POLN: variants seen among roughly 807,000 people sequenced by gnomAD.
POLN encodes DNA polymerase N.
In POLN, 108 loss-of-function variants were observed where a neutral mutation model predicts 113.5. The observed-to-expected ratio is 0.95, with a 90% CI of 0.81 to 1.12. The LOEUF is 1.12. POLN is among the 50% of genes most tolerant of loss of function. The pLI is 0.00. For synonymous variants in POLN, 386 were observed against 391.5 expected, an observed-to-expected ratio of 0.99 and a Z score of 0.17; for missense variants, 1,097 against 1,077.1, an observed-to-expected ratio of 1.02 and a Z score of -0.26.
At chr4:2,083,171 C>CACTCCTTGAAGATTT (rs1334251002) in intron 21 of POLN, among the ~76,000 whole-genome samples, 1 of 152,206 alleles carries the variant, frequency 6.6e-6, no homozygotes, top group East Asian at 1.9e-4. Flanking sequence ...CAAAAACAGA[C>CACTCCTTGAAGATTT]ACAAGGGGGA....
At chr4:2,239,855 C>T (rs889523759) in intron 2 of POLN, among the ~76,000 whole-genome samples, 6 of 152,170 alleles carry the variant, frequency 3.9e-5, no homozygotes, top group Admixed American at 3.9e-4. Flanking sequence ...TTGCTGCCCT[C>T]CATTAACGTA....
intron 13 of POLN, among the ~76,000 whole-genome samples, chr4:2,167,223 A>G (rs1001097380): frequency 2.0e-5 from 3 of 152,216 alleles, no homozygotes; most frequent in African/African-American, 4.8e-5. Flanking sequence ...AAGGGGTCGC[A>G]GAAGCAACTC....
Position 2,095,939 on chromosome 4 carries a change from T to A in POLN, c.1983-6A>T, listed in dbSNP as rs374386185. On this transcript the variant is annotated splice_polypyrimidine_tract_variant and splice_region_variant and intron_variant, in intron 19 of 25. Coordinates refer to ENST00000511885, the MANE Select transcript of POLN (RefSeq NM_181808.4). ...GTTCCACGGGCACATCCTTCCTGCA[T>A]GGAGAGACCATGTGTGAAGTTCAGG... 6.2e-7 allele frequency: 1 copy of A among 1,613,958 alleles called. No homozygotes were observed. The highest frequency in any genetic ancestry group is 1.1e-5 in the South Asian group (1 of 91,074).
chr4:2,074,515 C>T (rs187559389), intron 24 of POLN, among the ~76,000 whole-genome samples: 10 of 152,266 alleles, frequency 6.6e-5, no homozygotes, highest in Non-Finnish European at 1.3e-4. Context: ...TAAATGGTCA[C>T]GTAAGGTGGG....
intron 20 of POLN, among the ~76,000 whole-genome samples, chr4:2,092,597 C>A (rs943599740): frequency 6.6e-6 from 1 of 152,228 alleles, no homozygotes; most frequent in Admixed American, 6.5e-5. Context: ...GGCATCTCCC[C>A]TGCCTCTCAC....
chr4:2,120,820 T>C (rs370516131), intron 19 of POLN, among the ~76,000 whole-genome samples: 12 of 152,308 alleles, frequency 7.9e-5, no homozygotes, highest in East Asian at 1.9e-4. Context: ...ATTAATGACA[T>C]TGTGTTTTTA....
In POLN at chr4:2,239,116, T is replaced by C. The variant is rs1560106018; in HGVS notation, c.-13+2404A>G. 5 of 802,360 alleles carry C rather than the reference T, an allele frequency of 6.2e-6. No homozygotes were observed. The East Asian group carries it at 1.3e-4, about 22-fold the overall frequency. 49.7% of individuals were successfully genotyped at this position (802,360 alleles called of 1,614,324 possible). A position where few individuals can be genotyped will look rare whatever the true frequency, so the allele number is the denominator to read the frequency against. The stretch of plus-strand genomic sequence containing the variant: ...AAATCATCTTAAGATTATTTTCACT[T>C]TCCACTTTAGGTGACCAGATAATAA... On this transcript the variant is annotated intron_variant, in intron 2 of 25. Coordinates refer to ENST00000511885, the MANE Select transcript of POLN (RefSeq NM_181808.4).
chr4:2,151,604 G>A lies in POLN; in HGVS notation c.1731+5184C>T, dbSNP rs185165808. ...CAGGTGAACTCATAAACAAAGTGGG[G>A]TACACACAGTCCATGGAACACTACT... On this transcript the variant is annotated intron_variant, in intron 16 of 25. Transcript: ENST00000511885. Among the ~76,000 whole-genome samples the A allele has an allele frequency of 3.2e-3, 489 of 152,306 alleles. 3 individuals carry two copies. The highest frequency in any genetic ancestry group is 0.014 in the Middle Eastern group (4 of 294).
intron 20 of POLN, among the ~76,000 whole-genome samples, chr4:2,091,043 G>A (rs1206831625): frequency 6.6e-6 from 1 of 152,328 alleles, no homozygotes; most frequent in South Asian, 2.1e-4. Context: ...GCCTTCAGGT[G>A]AGGGTCTATA....
chr4:2,095,725 A>C, intron 20 of POLN, 126 bp downstream of exon 20: 1 of 838,488 alleles, frequency 1.2e-6, no homozygotes, highest in African/African-American at 1.7e-5. Flanking sequence ...TGCAGGTGTC[A>C]TCAGAGCATA....
intron 13 of POLN, among the ~76,000 whole-genome samples, chr4:2,168,110 C>T (rs948365452): frequency 2.6e-5 from 4 of 152,056 alleles, no homozygotes; most frequent in Non-Finnish European, 5.9e-5. Context: ...CCACTATGTC[C>T]CAGGCATTGT....
chr4:2,174,496 T>C (rs1171891604), intron 10 of POLN, among the ~76,000 whole-genome samples, 195 bp downstream of exon 10: 1 of 152,138 alleles, frequency 6.6e-6, no homozygotes, highest in East Asian at 1.9e-4. Flanking sequence ...TGTCAGAACC[T>C]CGAGTCTTTC....
At chr4:2,183,894 T>C (rs1047726690) in intron 7 of POLN, among the ~76,000 whole-genome samples, 3 of 151,784 alleles carry the variant, frequency 2.0e-5, no homozygotes, top group Non-Finnish European at 2.9e-5. Flanking sequence ...TTTTCTTTTT[T>C]TTTTTGAGAC....
intron 16 of POLN, among the ~76,000 whole-genome samples, chr4:2,146,967 A>G (rs1732159790): frequency 6.6e-6 from 1 of 152,216 alleles, no homozygotes; most frequent in South Asian, 2.1e-4. Context: ...TTAGGAAAAT[A>G]AAAAAACTAA....
At chr4:2,228,894 G>T in intron 3 of POLN, 1 of 431,800 alleles carries the variant, frequency 2.3e-6, no homozygotes. Context: ...CTGGAATAAG[G>T]AAGAGAGTGT....
intron 5 of POLN, among the ~76,000 whole-genome samples, chr4:2,206,047 A>C (rs937180253): frequency 7.2e-5 from 11 of 152,192 alleles, no homozygotes; most frequent in African/African-American, 2.7e-4. Context: ...TGGTATAAAA[A>C]TAGGCACATA....
intron 5 of POLN, among the ~76,000 whole-genome samples, chr4:2,202,718 T>C (rs1463548165): frequency 1.7e-5 from 2 of 116,108 alleles, no homozygotes; most frequent in African/African-American, 3.8e-5. Context: ...AGCAAGACTC[T>C]GTCTCAAAAA....
intron 19 of POLN, among the ~76,000 whole-genome samples, chr4:2,119,201 T>C (rs1372362661): frequency 6.6e-6 from 1 of 152,210 alleles, no homozygotes; most frequent in Non-Finnish European, 1.5e-5. Flanking sequence ...ATGAACATAT[T>C]CTGCAGTTAA....
intron 20 of POLN, among the ~76,000 whole-genome samples, 161 bp downstream of exon 20, chr4:2,095,690 G>C (rs1478670254): frequency 4.6e-5 from 7 of 152,138 alleles, no homozygotes; most frequent in Admixed American, 4.6e-4. Flanking sequence ...CAAGGCATGG[G>C]GTGGTCTGGC....
Sources: allele counts gnomAD v4.1 joint callset (sites outside exome capture counted in the v4.1 genomes callset), GRCh38; gene constraint gnomAD v4.1.1; transcripts MANE v1.5; gene names NCBI Gene and HGNC (gene_info 2026-07-23, HGNC 2026-07-21).